The following ETV6 variants were observed in gnomAD, a reference collection of about 807,000 sequenced individuals.
ETV6 encodes ETS variant transcription factor 6.
In ETV6, 16 loss-of-function variants were observed where a neutral mutation model predicts 51.1. The ratio of observed to expected loss-of-function variants is 0.31; its 90% CI spans 0.21 to 0.48. The LOEUF (loss-of-function observed/expected upper bound fraction) is 0.48. Among genes scored for constraint, ETV6 ranks in the 20% least tolerant of loss-of-function variants. The pLI is 0.99. For synonymous variants in ETV6, 240 were observed against 224.1 expected, an observed-to-expected ratio of 1.07 and a Z score of -0.64; for missense variants, 458 against 594.8, an observed-to-expected ratio of 0.77 and a Z score of 2.39.
intron 3 of ETV6, among the ~76,000 whole-genome samples, chr12:11,841,757 G>C (rs1485678697): frequency 1.3e-5 from 2 of 152,178 alleles, no homozygotes; most frequent in African/African-American, 2.4e-5. Flanking sequence ...ACTTTGAAAG[G>C]CAAACAAGAA....
At chr12:11,754,438 A>T (rs536800298) in intron 2 of ETV6, among the ~76,000 whole-genome samples, 10 of 152,346 alleles carry the variant, frequency 6.6e-5, no homozygotes, top group Admixed American at 5.2e-4. Flanking sequence ...ATGCCTTGAC[A>T]TATGGAAGCT....
At chr12:11,679,085 C>T (rs557677770) in intron 1 of ETV6, among the ~76,000 whole-genome samples, 1 of 152,300 alleles carries the variant, frequency 6.6e-6, no homozygotes, top group South Asian at 2.1e-4. Context: ...TTAACCATCA[C>T]AGATATTAAT....
At chr12:11,663,554 G>A (rs372237787) in intron 1 of ETV6, among the ~76,000 whole-genome samples, 71 of 152,294 alleles carry the variant, frequency 4.7e-4, no homozygotes, top group African/African-American at 1.5e-3. Flanking sequence ...TTGTTGTGGC[G>A]AAGAAACCTA....
chr12:11,809,166 A>C (rs1388943777), intron 2 of ETV6, among the ~76,000 whole-genome samples: 1 of 22,188 alleles, frequency 4.5e-5, no homozygotes, highest in African/African-American at 1.5e-4. Context: ...ACCCTGTGTC[A>C]AAAAAAAAAA....
intron 1 of ETV6, among the ~76,000 whole-genome samples, chr12:11,738,598 C>T (rs1005093377): frequency 2.0e-5 from 3 of 152,092 alleles, no homozygotes; most frequent in East Asian, 3.8e-4. Flanking sequence ...TGACCCACTG[C>T]GCCTCTGCCC....
chr12:11,835,557 G>T (rs1160346538), intron 2 of ETV6, among the ~76,000 whole-genome samples: 1 of 152,250 alleles, frequency 6.6e-6, no homozygotes, highest in Non-Finnish European at 1.5e-5. Context: ...CTGGGAGCAA[G>T]TAGCCTGTGA....
chr12:11,830,820 A>G (rs1175036132), intron 2 of ETV6, among the ~76,000 whole-genome samples: 1 of 152,232 alleles, frequency 6.6e-6, no homozygotes, highest in Admixed American at 6.5e-5. Flanking sequence ...AAGGTGGAAG[A>G]TGCATTGAGG....
At chr12:11,712,259 G>A (rs1201503308) in intron 1 of ETV6, among the ~76,000 whole-genome samples, 2 of 152,076 alleles carry the variant, frequency 1.3e-5, no homozygotes, top group Non-Finnish European at 2.9e-5. Flanking sequence ...CATCTAATCC[G>A]TTTTAAGGGA....
chr12:11,807,220 A>T (rs1945841105), intron 2 of ETV6, among the ~76,000 whole-genome samples: 1 of 152,218 alleles, frequency 6.6e-6, no homozygotes, highest in Non-Finnish European at 1.5e-5. Context: ...TTCAATTGCA[A>T]ATTGTAGCAG....
At chr12:11,854,330 G>T (rs535887391) in intron 4 of ETV6, among the ~76,000 whole-genome samples, 1 of 152,126 alleles carries the variant, frequency 6.6e-6, no homozygotes. Flanking sequence ...TGCCCCCACC[G>T]CTCACCTCCT....
intron 1 of ETV6, among the ~76,000 whole-genome samples, chr12:11,744,644 A>T (rs1286224485): frequency 6.6e-6 from 1 of 152,196 alleles, no homozygotes; most frequent in Non-Finnish European, 1.5e-5. Context: ...GAGCTCATCT[A>T]ATCTCTGCTT....
intron 2 of ETV6, among the ~76,000 whole-genome samples, chr12:11,802,633 G>C (rs1945766837): frequency 6.6e-6 from 1 of 152,192 alleles, no homozygotes; most frequent in African/African-American, 2.4e-5. Context: ...TGTCTTGCAG[G>C]ACGACCAATC....
chr12:11,674,651 G>A (rs1190463742), intron 1 of ETV6, among the ~76,000 whole-genome samples: 2 of 147,440 alleles, frequency 1.4e-5, no homozygotes, highest in East Asian at 4.0e-4. Context: ...GTGTGTGTGT[G>A]TGTGTGTGTG....
chr12:11,892,999 T>G lies in ETV6; in HGVS notation c.*1953T>G, dbSNP rs72550772. ...GTCACAGGCGCCCCACCATTCAACC[T>G]TCCGGGAGGTCAGGGACCTTCTATA... On this transcript the variant is annotated 3_prime_UTR_variant, in exon 8 of 8. Coordinates refer to ENST00000396373, the MANE Select transcript of ETV6 (RefSeq NM_001987.5). 1.2e-3 allele frequency: 291 copies of G among 232,844 alleles called. 1 individual carries two copies. Among genetic ancestry groups the G allele is most frequent in the African/African-American group, 5.5e-3 (252 of 45,420 alleles). 14.4% of individuals were successfully genotyped at this position (232,844 alleles called of 1,614,324 possible).
chr12:11,830,731 C>CA (rs1946230996), intron 2 of ETV6, among the ~76,000 whole-genome samples: 1 of 152,210 alleles, frequency 6.6e-6, no homozygotes, highest in Non-Finnish European at 1.5e-5. Flanking sequence ...CAAATCACTG[C>CA]AAAATCCCCT....
chr12:11,666,178 C>T (rs1221945973), intron 1 of ETV6, among the ~76,000 whole-genome samples: 2 of 152,144 alleles, frequency 1.3e-5, no homozygotes, highest in South Asian at 2.1e-4. Context: ...AGAGAGAACC[C>T]GGAAGAGCAG....
Position 11,892,583 on chromosome 12 carries a change from A to ATTTC in ETV6, c.*1541_*1544dup, listed in dbSNP as rs1366659922. 3 of 232,610 alleles carry ATTTC rather than the reference A, an allele frequency of 1.3e-5. No individual in the cohort carries two copies. The Admixed American group carries it at 1.7e-4, about 13-fold the overall frequency. The allele number at this position is 232,610 out of a possible 1,614,324, so 14.4% of individuals were successfully genotyped here. On this transcript the variant is annotated 3_prime_UTR_variant, in exon 8 of 8. Coordinates refer to ENST00000396373, the MANE Select transcript of ETV6 (RefSeq NM_001987.5). ...TCAGAAATCCAATATTTGGAGTACA[A>ATTTC]TTTCTTTTAATCCAGATTACACCTG...
At chr12:11,755,111 C>T (rs1051213055) in intron 2 of ETV6, among the ~76,000 whole-genome samples, 4 of 152,172 alleles carry the variant, frequency 2.6e-5, no homozygotes, top group African/African-American at 9.7e-5. Flanking sequence ...TGGATGAATT[C>T]AGGGTTGACA....
At chr12:11,772,528 C>T (rs543638041) in intron 2 of ETV6, among the ~76,000 whole-genome samples, 1 of 152,200 alleles carries the variant, frequency 6.6e-6, no homozygotes, top group African/African-American at 2.4e-5. Flanking sequence ...AACCAGTTTC[C>T]CCACCCAAAA....
Sources: allele counts gnomAD v4.1 joint callset (sites outside exome capture counted in the v4.1 genomes callset), GRCh38; gene constraint gnomAD v4.1.1; transcripts MANE v1.5; gene names NCBI Gene and HGNC (gene_info 2026-07-23, HGNC 2026-07-21).